PFKFB3: variants seen among roughly 807,000 people sequenced by gnomAD.
PFKFB3 encodes 6-phosphofructo-2-kinase/fructose-2,6-biphosphatase 3.
PFKFB3 carries 33 observed loss-of-function variants against 68.0 expected under a neutral mutation model. The observed-to-expected ratio is 0.49, with a 90% confidence interval of 0.37 to 0.65. PFKFB3 has a LOEUF of 0.65. Among genes scored for constraint, PFKFB3 ranks in the 30% least tolerant of loss-of-function variants. PFKFB3 has a pLI of 0.00. For missense variants in PFKFB3, 586 were observed against 712.2 expected, an observed-to-expected ratio of 0.82 and a Z score of 2.02; for synonymous variants, 315 against 288.2, an observed-to-expected ratio of 1.09 and a Z score of -0.94.
At chr10:6,307,662 T>C in the PFKFB3 span, among the ~76,000 whole-genome samples, 1 of 151,668 alleles carries the variant, frequency 6.6e-6, no homozygotes, top group Non-Finnish European at 1.5e-5. Flanking sequence ...TGGTTGTCTG[T>C]ATTGTCCCGA....
At chr10:6,196,630 C>T (rs911748660) in intron 1 of PFKFB3, among the ~76,000 whole-genome samples, 9 of 152,198 alleles carry the variant, frequency 5.9e-5, no homozygotes, top group African/African-American at 2.2e-4. Context: ...CTAAGCCAGT[C>T]TAGTCTTTCC....
At chr10:6,156,129 A>ATGTGTGTGTGTGTGTGTGTGTG (rs112267780) in intron 1 of PFKFB3, among the ~76,000 whole-genome samples, 4 of 96,988 alleles carry the variant, frequency 4.1e-5, no homozygotes, top group South Asian at 3.3e-4. Context: ...GTACATATAT[A>ATGTGTGTGTGTGTGTGTGTGTG]TGTGTGTGTG....
chr10:6,180,378 G>T (rs1465284782), intron 1 of PFKFB3, among the ~76,000 whole-genome samples: 1 of 152,154 alleles, frequency 6.6e-6, no homozygotes, highest in Non-Finnish European at 1.5e-5. Context: ...TATGAAGAAA[G>T]AAATCATTCA....
At chr10:6,174,669 C>A in intron 1 of PFKFB3, among the ~76,000 whole-genome samples, 1 of 152,352 alleles carries the variant, frequency 6.6e-6, no homozygotes, top group South Asian at 2.1e-4. Context: ...TGTGCGGGCA[C>A]AAAGCCCCAG....
At chr10:6,305,083 A>G in the PFKFB3 span, among the ~76,000 whole-genome samples, 1 of 126,132 alleles carries the variant, frequency 7.9e-6, no homozygotes, top group African/African-American at 3.0e-5. Context: ...GCTGGCCTTG[A>G]ACTCCTGAGC....
the PFKFB3 span, chr10:6,294,013 A>T: frequency 1.9e-6 from 1 of 526,716 alleles, no homozygotes; most frequent in South Asian, 1.4e-5. Context: ...TCTGCTCTAC[A>T]AATTCCAACA....
At chr10:6,299,547 T>C in the PFKFB3 span, among the ~76,000 whole-genome samples, 5 of 152,300 alleles carry the variant, frequency 3.3e-5, no homozygotes, top group East Asian at 9.6e-4. Context: ...CGCAGGGATA[T>C]ATTGTTAGTT....
At chr10:6,189,555 C>T (rs1339836540) in intron 1 of PFKFB3, among the ~76,000 whole-genome samples, 4 of 150,288 alleles carry the variant, frequency 2.7e-5, no homozygotes, top group Non-Finnish European at 5.9e-5. Flanking sequence ...CGCTCTGTCA[C>T]CCAGGCTGGA....
At chr10:6,227,091 A>T (rs1588533469) in intron 14 of PFKFB3, among the ~76,000 whole-genome samples, 1 of 152,134 alleles carries the variant, frequency 6.6e-6, no homozygotes, top group African/African-American at 2.4e-5. Context: ...GTCTCAAAAA[A>T]AAAAAGCAAA....
the PFKFB3 span, among the ~76,000 whole-genome samples, chr10:6,307,928 G>A: frequency 6.6e-6 from 1 of 152,078 alleles, no homozygotes; most frequent in Admixed American, 6.6e-5. Flanking sequence ...TCATGGGAGT[G>A]ATTTTCTTAT....
downstream of PFKFB3, among the ~76,000 whole-genome samples, chr10:6,258,311 A>G (rs959903357): frequency 2.0e-5 from 3 of 152,234 alleles, no homozygotes; most frequent in African/African-American, 7.2e-5. Flanking sequence ...TGAAGGGATC[A>G]TGGAGACATT....
At chr10:6,210,346 G>GTTTT (rs1225843582) in intron 1 of PFKFB3, among the ~76,000 whole-genome samples, 5 of 32,790 alleles carry the variant, frequency 1.5e-4, no homozygotes, top group East Asian at 1.3e-3. Context: ...GTTTTTTTTT[G>GTTTT]TTTTTTTTTG....
intron 1 of PFKFB3, among the ~76,000 whole-genome samples, chr10:6,159,567 C>T (rs1419199648): frequency 6.6e-6 from 1 of 151,608 alleles, no homozygotes; most frequent in African/African-American, 2.4e-5. Flanking sequence ...TGGTGCATGC[C>T]TGTAATCCCA....
the PFKFB3 span, among the ~76,000 whole-genome samples, chr10:6,289,979 G>A: frequency 2.5e-4 from 38 of 152,288 alleles, no homozygotes; most frequent in Middle Eastern, 6.8e-3. Context: ...GTGAATGGGA[G>A]TTCACTCATG....
chr10:6,315,113 AAC>A, the PFKFB3 span, among the ~76,000 whole-genome samples: 35 of 152,306 alleles, frequency 2.3e-4, no homozygotes, highest in South Asian at 6.4e-3. Flanking sequence ...CCCTAGGCCA[AAC>A]AGCAGTGAAA....
At chr10:6,176,793 G>A (rs1319533093) in intron 1 of PFKFB3, among the ~76,000 whole-genome samples, 1 of 152,190 alleles carries the variant, frequency 6.6e-6, no homozygotes, top group Non-Finnish European at 1.5e-5. Flanking sequence ...GACTCAAGCT[G>A]TCTCCGGTTC....
rs535276301 is a variant in PFKFB3, at chr10:6,229,362, G to A, written c.1515+2997G>A. On this transcript the variant is annotated intron_variant, in intron 14 of 14. Coordinates refer to ENST00000379775, the MANE Select transcript of PFKFB3 (RefSeq NM_004566.4). The surrounding 1 kb of genome is among the most constrained non-coding windows in gnomAD (Gnocchi z 4.3). ...CTTCCAGCAGGTGAGCCGCAGAGCCGGGGCCTGAAAGGCCCCTTGCTTCAG... is the reference window on the plus strand; with the variant it reads ...CTTCCAGCAGGTGAGCCGCAGAGCCAGGGCCTGAAAGGCCCCTTGCTTCAG... Among the ~76,000 whole-genome samples the A allele has an allele frequency of 1.1e-4, 16 of 152,324 alleles. No individual in the cohort carries two copies. Among genetic ancestry groups the A allele is most frequent in the East Asian group, 3.9e-4 (2 of 5,164 alleles).
the PFKFB3 span, among the ~76,000 whole-genome samples, chr10:6,289,107 T>G: frequency 6.9e-6 from 1 of 144,530 alleles, no homozygotes. Context: ...GATATTAGCC[T>G]TTTGTCAGAT....
the PFKFB3 span, among the ~76,000 whole-genome samples, chr10:6,262,328 C>T: frequency 6.7e-6 from 1 of 148,228 alleles, no homozygotes; most frequent in Non-Finnish European, 1.5e-5. Flanking sequence ...GTGGGGGGTG[C>T]CTGTAGTCCC....
Sources: allele counts gnomAD v4.1 joint callset (sites outside exome capture counted in the v4.1 genomes callset), GRCh38; gene constraint gnomAD v4.1.1; non-coding constraint Gnocchi (gnomAD v3.1); transcripts MANE v1.5; gene names NCBI Gene and HGNC (gene_info 2026-07-23, HGNC 2026-07-21).